AAMDC: variants seen among roughly 807,000 people sequenced by gnomAD.
AAMDC encodes the protein adipogenesis associated Mth938 domain containing.
AAMDC carries 16 observed loss-of-function variants against 15.5 expected under a neutral mutation model. That is an observed-to-expected ratio of 1.03 (90% CI 0.70 to 1.57). The LOEUF is 1.57. Ranked by LOEUF, AAMDC falls within the 40% of genes most tolerant of loss-of-function variation. The pLI, the probability that AAMDC is intolerant of heterozygous loss-of-function variation, is 0.00. For synonymous variants in AAMDC, 51 were observed against 51.6 expected (o/e 0.99, Z 0.05); for missense variants, 141 against 144.9 (o/e 0.97, Z 0.14).
intron 3 of AAMDC, among the ~76,000 whole-genome samples, chr11:77,871,734 A>AACTC (rs926513359): frequency 4.6e-5 from 7 of 152,376 alleles, no homozygotes; most frequent in Non-Finnish European, 1.0e-4. Context: ...AGTTTAGACT[A>AACTC]ACTCAAACAT....
intron 1 of AAMDC, among the ~76,000 whole-genome samples, chr11:77,830,793 A>G (rs1949386903): frequency 6.6e-6 from 1 of 152,056 alleles, no homozygotes; most frequent in Non-Finnish European, 1.5e-5. Context: ...AGCAAATGAA[A>G]AGATACTCAA....
intron 5 of AAMDC, among the ~76,000 whole-genome samples, chr11:77,898,960 C>T (rs886158326): frequency 1.3e-5 from 2 of 152,134 alleles, no homozygotes; most frequent in African/African-American, 4.8e-5. Flanking sequence ...CCAGAGGTTG[C>T]AGTGAGTTGA....
chr11:77,833,447 A>G (rs1000451563), intron 1 of AAMDC, among the ~76,000 whole-genome samples: 13 of 152,140 alleles, frequency 8.5e-5, no homozygotes, highest in Non-Finnish European at 2.9e-5. Flanking sequence ...TCACGCATCT[A>G]TGATCATCTA....
intron 2 of AAMDC, among the ~76,000 whole-genome samples, chr11:77,849,139 C>T (rs1950266746): frequency 1.3e-5 from 2 of 151,826 alleles, no homozygotes; most frequent in South Asian, 2.1e-4. Flanking sequence ...CAGGCTCAAG[C>T]GTTCCTCCCA....
chr11:77,864,752 G>C (rs896976219), intron 2 of AAMDC, among the ~76,000 whole-genome samples: 9 of 152,178 alleles, frequency 5.9e-5, no homozygotes, highest in African/African-American at 1.9e-4. Context: ...ACCAAGATGG[G>C]AGGATTGTTT....
intron 1 of AAMDC, among the ~76,000 whole-genome samples, chr11:77,834,187 G>A (rs1465604289): frequency 6.6e-6 from 1 of 152,112 alleles, no homozygotes; most frequent in Non-Finnish European, 1.5e-5. Flanking sequence ...TGAATAAAAT[G>A]TAAATTACAT....
intron 5 of AAMDC, among the ~76,000 whole-genome samples, chr11:77,891,996 A>G (rs915524458): frequency 2.0e-4 from 31 of 152,162 alleles, no homozygotes; most frequent in Admixed American, 1.6e-3. Context: ...CTATACAATC[A>G]TGCCTCAGTC....
downstream of AAMDC, among the ~76,000 whole-genome samples, chr11:77,903,807 T>A (rs1316713935): frequency 6.6e-6 from 1 of 152,220 alleles, no homozygotes; most frequent in East Asian, 1.9e-4. Context: ...TTGGGCTAAA[T>A]GAATTCCCAC....
Position 77,838,373 on chromosome 11 carries a change from A to C in AAMDC, c.-18-4106A>C, listed in dbSNP as rs919220290. Among the ~76,000 whole-genome samples, 26 of 152,188 alleles carry C rather than the reference A, an allele frequency of 1.7e-4. 1 individual carries two copies. The highest frequency in any genetic ancestry group is 2.9e-5 in the Non-Finnish European group (2 of 68,032). Reference sequence around the variant, plus strand: ...ATATATGAGATTATATCCTTGATACACTGAGTTGGCCTCTTCCAATCAGTT... The same window carrying C: ...ATATATGAGATTATATCCTTGATACCCTGAGTTGGCCTCTTCCAATCAGTT... On this transcript the variant is annotated intron_variant, in intron 1 of 3. Transcript: ENST00000393427.
intron 5 of AAMDC, among the ~76,000 whole-genome samples, chr11:77,897,769 T>C (rs1952594866): frequency 6.6e-6 from 1 of 152,028 alleles, no homozygotes; most frequent in South Asian, 2.1e-4. Context: ...CCTCCCAAAG[T>C]GCTGGGGTTA....
intron 2 of AAMDC, among the ~76,000 whole-genome samples, chr11:77,867,224 C>T (rs1421008167): frequency 6.6e-6 from 1 of 152,178 alleles, no homozygotes; most frequent in Non-Finnish European, 1.5e-5. Flanking sequence ...TTCTTTCTCT[C>T]GCCCATTTGT....
intron 5 of AAMDC, among the ~76,000 whole-genome samples, chr11:77,900,286 A>C (rs1367538649): frequency 1.3e-5 from 2 of 151,932 alleles, no homozygotes; most frequent in African/African-American, 4.8e-5. Flanking sequence ...TTTTTAGTAG[A>C]GACAGGGTTT....
intron 5 of AAMDC, among the ~76,000 whole-genome samples, chr11:77,892,184 G>A (rs533159268): frequency 6.6e-5 from 10 of 152,080 alleles, no homozygotes; most frequent in Non-Finnish European, 7.4e-5. Flanking sequence ...CCTACGAAGC[G>A]CCAAGCACTA....
intron 5 of AAMDC, chr11:77,879,271 A>T (rs1951699723): frequency 2.4e-6 from 2 of 819,992 alleles, no homozygotes; most frequent in African/African-American, 3.5e-5. Context: ...ACCCTCACCA[A>T]ACAAAACACT....
intron 1 of AAMDC, among the ~76,000 whole-genome samples, chr11:77,828,544 G>T (rs577211349): frequency 1.3e-5 from 2 of 150,710 alleles, no homozygotes; most frequent in Non-Finnish European, 3.0e-5. Context: ...GGTAGTGGGC[G>T]CCTGTAGTCC....
At chr11:77,854,021 C>CGA (rs1950508973) in intron 2 of AAMDC, among the ~76,000 whole-genome samples, 1 of 142,666 alleles carries the variant, frequency 7.0e-6, no homozygotes, top group Non-Finnish European at 1.5e-5. Flanking sequence ...GACAGACTCT[C>CGA]GCTCCGTTGC....
rs73495974 is a variant in AAMDC, at chr11:77,848,739, A to G, written c.132+6111A>G. 1.0e-2 allele frequency among the ~76,000 whole-genome samples: 1,516 copies of G among 152,272 alleles called. 23 individuals carry two copies. Among genetic ancestry groups the G allele is most frequent in the African/African-American group, 0.033 (1,372 of 41,552 alleles). ...CACAGAGCTATAAACGTGTGAAAGCAAACAGTAAGCTCAGGTCAGATTGTA... is the reference window on the plus strand; with the variant it reads ...CACAGAGCTATAAACGTGTGAAAGCGAACAGTAAGCTCAGGTCAGATTGTA... On this transcript the variant is annotated intron_variant, in intron 2 of 3. Coordinates refer to ENST00000393427, the MANE Select transcript of AAMDC (RefSeq NM_024684.4).
downstream of AAMDC, among the ~76,000 whole-genome samples, chr11:77,902,014 T>A (rs1952792097): frequency 6.6e-6 from 1 of 152,146 alleles, no homozygotes; most frequent in Non-Finnish European, 1.5e-5. Flanking sequence ...GGGACAGAAA[T>A]AAGTGCAAGA....
chr11:77,904,477 T>A (rs1182154368), downstream of AAMDC, among the ~76,000 whole-genome samples: 2 of 152,222 alleles, frequency 1.3e-5, no homozygotes, highest in African/African-American at 4.8e-5. Context: ...AATTATTAAT[T>A]AGTTTACATT....
Sources: gnomAD v4.1 joint callset for allele counts (sites outside exome capture counted in the v4.1 genomes callset) on GRCh38, gnomAD v4.1.1 for gene constraint, MANE v1.5 for transcripts, NCBI Gene and HGNC (gene_info 2026-07-23, HGNC 2026-07-21) for gene names.